ARSG: variants seen among roughly 807,000 people sequenced by gnomAD.
The protein encoded by ARSG is ASG.
A neutral mutation model predicts 50.5 loss-of-function variants in ARSG; 37 were observed. That is an observed-to-expected ratio of 0.73 (90% CI 0.56 to 0.96). ARSG has a LOEUF of 0.96. Among genes scored for constraint, ARSG ranks in the 50% least tolerant of loss-of-function variants. ARSG has a pLI of 0.00. For synonymous variants in ARSG, 225 were observed against 254.6 expected (o/e 0.88, Z 1.11); for missense variants, 629 against 675.3 (o/e 0.93, Z 0.76).
chr17:68,347,257 T>C, intron 4 of ARSG, 85 bp downstream of exon 4: 5 of 1,476,948 alleles, frequency 3.4e-6, no homozygotes, highest in Non-Finnish European at 4.7e-6. Context: ...TAAGCCATCC[T>C]GTCTCTGGGG....
chr17:68,260,274 G>C (rs1432105438), intron 1 of ARSG, among the ~76,000 whole-genome samples: 1 of 152,136 alleles, frequency 6.6e-6, no homozygotes, highest in Non-Finnish European at 1.5e-5. Context: ...CCCTAATGTT[G>C]AGTTATTCGT....
the ARSG span, among the ~76,000 whole-genome samples, chr17:68,434,326 CATCAAAAAGGGACTCTCACGGCTGA>C: frequency 6.6e-6 from 1 of 152,184 alleles, no homozygotes; most frequent in African/African-American, 2.4e-5. Flanking sequence ...CCCACACACA[CATCAAAAAGGGACTCTCACGGCTGA>C]ACTGTGTTAA....
At chr17:68,425,156 C>A (rs1046608193), downstream of ARSG, among the ~76,000 whole-genome samples, 6 of 152,190 alleles carry the variant, frequency 3.9e-5, no homozygotes, top group African/African-American at 1.4e-4. Context: ...TAAAGGTGCT[C>A]GGGCAAGCTC....
At chr17:68,309,820 C>T (rs1326113155) in intron 2 of ARSG, among the ~76,000 whole-genome samples, 1 of 151,444 alleles carries the variant, frequency 6.6e-6, no homozygotes, top group Non-Finnish European at 1.5e-5. Flanking sequence ...GATCGCACCA[C>T]TGCACTCCAG....
At chr17:68,296,914 T>C (rs1165376800) in intron 1 of ARSG, among the ~76,000 whole-genome samples, 2 of 152,144 alleles carry the variant, frequency 1.3e-5, no homozygotes, top group Admixed American at 6.5e-5. Context: ...AGAAAAGTCA[T>C]CTAAGTTGAG....
chr17:68,304,598 G>T (rs145589288), intron 1 of ARSG, among the ~76,000 whole-genome samples: 7 of 152,170 alleles, frequency 4.6e-5, no homozygotes, highest in Non-Finnish European at 8.8e-5. Context: ...AAAAGTGTCT[G>T]TCATAATCCC....
At chr17:68,435,549 A>C in the ARSG span, 1 of 1,482,346 alleles carries the variant, frequency 6.7e-7, no homozygotes, top group African/African-American at 1.4e-5. Flanking sequence ...GGTTTGTTCA[A>C]TCCCATCCCT....
At chr17:68,310,267 C>A (rs1238596853) in intron 2 of ARSG, among the ~76,000 whole-genome samples, 3 of 152,162 alleles carry the variant, frequency 2.0e-5, no homozygotes, top group Non-Finnish European at 2.9e-5. Flanking sequence ...GCCCCAACAT[C>A]CAGAGTTTTT....
At chr17:68,259,715 A>G (rs1288175151) in intron 1 of ARSG, among the ~76,000 whole-genome samples, 1 of 152,160 alleles carries the variant, frequency 6.6e-6, no homozygotes, top group Non-Finnish European at 1.5e-5. Flanking sequence ...ACCATCTTCA[A>G]ATTCCCGTGT....
chr17:68,278,617 CTT>C (rs56870988), intron 1 of ARSG, among the ~76,000 whole-genome samples: 16,239 of 111,730 alleles, frequency 0.15, 841 homozygotes, highest in East Asian at 0.23. Flanking sequence ...TTTCTTTTTC[CTT>C]TTTTTTTTTT....
chr17:68,438,834 A>G, the ARSG span, among the ~76,000 whole-genome samples: 1 of 152,228 alleles, frequency 6.6e-6, no homozygotes. Context: ...TCGTGACCTC[A>G]GGTGATCCAT....
chr17:68,408,444 G>C (rs904215483), intron 11 of ARSG, among the ~76,000 whole-genome samples: 41 of 151,796 alleles, frequency 2.7e-4, no homozygotes, highest in Non-Finnish European at 5.3e-4. Flanking sequence ...TCCCTACAAA[G>C]GACATGAACT....
At chr17:68,391,399 T>G (rs1446372036) in intron 9 of ARSG, among the ~76,000 whole-genome samples, 1 of 152,168 alleles carries the variant, frequency 6.6e-6, no homozygotes, top group Non-Finnish European at 1.5e-5. Flanking sequence ...CGAGAGGCTT[T>G]CTTTGTGCTC....
intron 8 of ARSG, among the ~76,000 whole-genome samples, chr17:68,380,215 T>C (rs1388737638): frequency 1.3e-5 from 2 of 151,562 alleles, no homozygotes; most frequent in Non-Finnish European, 2.9e-5. Flanking sequence ...CCTTCCTCCT[T>C]CCTTCCTTCC....
chr17:68,407,085 T>C (rs947528937), intron 11 of ARSG, among the ~76,000 whole-genome samples: 2 of 152,218 alleles, frequency 1.3e-5, no homozygotes, highest in Non-Finnish European at 2.9e-5. Context: ...TTCTCCTACA[T>C]GTGGCTAGCC....
At chr17:68,352,063 GGAGA>G (rs764916757) in intron 5 of ARSG, among the ~76,000 whole-genome samples, 7 of 141,390 alleles carry the variant, frequency 5.0e-5, no homozygotes, top group Admixed American at 2.1e-4. Context: ...GAGAGACAGA[GGAGA>G]GAGAGAGAGA....
intron 8 of ARSG, among the ~76,000 whole-genome samples, chr17:68,374,620 G>GT (rs2080051736): frequency 6.6e-6 from 1 of 152,144 alleles, no homozygotes; most frequent in South Asian, 2.1e-4. Context: ...GGGAGGCTGA[G>GT]GCAAGAAGAT....
intron 2 of ARSG, among the ~76,000 whole-genome samples, chr17:68,323,055 C>T (rs550142800): frequency 2.0e-5 from 3 of 151,944 alleles, no homozygotes; most frequent in African/African-American, 7.3e-5. Flanking sequence ...CTCTCTCTCT[C>T]TGATGTTATC....
At chr17:68,386,779 G>A (rs2080746587) in intron 9 of ARSG, among the ~76,000 whole-genome samples, 1 of 152,166 alleles carries the variant, frequency 6.6e-6, no homozygotes, top group African/African-American at 2.4e-5. Context: ...TTCACAGAAA[G>A]CCAACCAGTG....
Sources: allele counts gnomAD v4.1 joint callset (sites outside exome capture counted in the v4.1 genomes callset), GRCh38; gene constraint gnomAD v4.1.1; transcripts MANE v1.5; gene names NCBI Gene and HGNC (gene_info 2026-07-23, HGNC 2026-07-21).